Variants in CPQ observed in about 807,000 individuals in gnomAD.
CPQ encodes carboxypeptidase Q.
In CPQ, 37 loss-of-function variants were observed where a neutral mutation model predicts 45.7. That is an observed-to-expected ratio of 0.81 (90% CI 0.62 to 1.07). The LOEUF is 1.07. Ranked by LOEUF, CPQ falls within the 50% of genes least tolerant of loss-of-function variation. The pLI is 0.00. For synonymous variants in CPQ, 186 were observed against 205.8 expected (o/e 0.90, Z 0.82); for missense variants, 537 against 572.9 (o/e 0.94, Z 0.64).
chr8:97,044,103 T>G (rs577166686), intron 6 of CPQ, among the ~76,000 whole-genome samples: 3 of 151,398 alleles, frequency 2.0e-5, no homozygotes, highest in East Asian at 1.9e-4. Flanking sequence ...CCATTCTGCC[T>G]GTCACTTTCA....
intron 4 of CPQ, among the ~76,000 whole-genome samples, chr8:96,892,239 ATAAAC>A (rs1174533757): frequency 6.6e-6 from 1 of 152,242 alleles, no homozygotes; most frequent in Non-Finnish European, 1.5e-5. Flanking sequence ...TGTCAAAAGA[ATAAAC>A]CAAACCTGAT....
intron 4 of CPQ, among the ~76,000 whole-genome samples, chr8:96,910,460 A>G (rs1325618012): frequency 1.3e-5 from 2 of 152,214 alleles, no homozygotes; most frequent in Non-Finnish European, 2.9e-5. Flanking sequence ...TTTAAAATGT[A>G]TATTCCCATT....
At chr8:96,860,397 C>T (rs572330175) in intron 3 of CPQ, among the ~76,000 whole-genome samples, 16 of 152,204 alleles carry the variant, frequency 1.1e-4, no homozygotes, top group Middle Eastern at 6.8e-3. Flanking sequence ...GTGAGGTTCG[C>T]TTTTTATTTA....
chr8:96,934,405 G>T (rs10092470), intron 4 of CPQ, among the ~76,000 whole-genome samples: 5,446 of 152,188 alleles, frequency 0.036, 314 homozygotes, highest in African/African-American at 0.12. Context: ...CCAGGCAGGG[G>T]CATGATTGAG....
At chr8:97,045,412 A>G (rs1423791205) in intron 6 of CPQ, among the ~76,000 whole-genome samples, 1 of 152,174 alleles carries the variant, frequency 6.6e-6, no homozygotes, top group Non-Finnish European at 1.5e-5. Flanking sequence ...TGACTAGGAA[A>G]GGGAACTCCC....
At chr8:96,917,757 A>G (rs887661817) in intron 4 of CPQ, among the ~76,000 whole-genome samples, 1 of 152,160 alleles carries the variant, frequency 6.6e-6, no homozygotes, top group Non-Finnish European at 1.5e-5. Context: ...TAAGATAAAC[A>G]TGAACACATA....
intron 1 of CPQ, among the ~76,000 whole-genome samples, chr8:96,700,540 A>G (rs561385934): frequency 6.6e-6 from 1 of 152,178 alleles, no homozygotes; most frequent in South Asian, 2.1e-4. Context: ...TTGAAGCAGA[A>G]CATCTCTCCA....
intron 4 of CPQ, among the ~76,000 whole-genome samples, chr8:96,885,853 G>A (rs1812299388): frequency 6.6e-6 from 1 of 152,092 alleles, no homozygotes; most frequent in Non-Finnish European, 1.5e-5. Context: ...TTAGCCGGGT[G>A]TGGTGGCGGG....
At chr8:96,846,159 G>A (rs1166172171) in intron 3 of CPQ, among the ~76,000 whole-genome samples, 1 of 151,928 alleles carries the variant, frequency 6.6e-6, no homozygotes, top group Admixed American at 6.6e-5. Context: ...TTATATTTTC[G>A]GCAGTCATGT....
At chr8:96,882,994 A>G (rs933787589) in intron 4 of CPQ, among the ~76,000 whole-genome samples, 3 of 152,120 alleles carry the variant, frequency 2.0e-5, no homozygotes, top group African/African-American at 7.2e-5. Flanking sequence ...GTTGTTTTTT[A>G]AATTATTATT....
chr8:97,041,871 G>A (rs796869219), intron 6 of CPQ, among the ~76,000 whole-genome samples: 1 of 152,272 alleles, frequency 6.6e-6, no homozygotes, highest in African/African-American at 2.4e-5. Flanking sequence ...TTGATGTGCT[G>A]CTGGATTCAG....
intron 1 of CPQ, among the ~76,000 whole-genome samples, chr8:96,676,432 C>T: frequency 6.6e-6 from 1 of 152,002 alleles, no homozygotes. Context: ...TGACTTATTT[C>T]ACTTAACATA....
rs528792647 is a variant in CPQ, at chr8:97,119,912, A to C, written c.1256-23108A>C. ...AGCCATTTTAGTCCATGATCAAGAC[A>C]GAGGGGCCTTCTGGGCACATGAGGA... On this transcript the variant is annotated intron_variant, in intron 7 of 7. Transcript: ENST00000220763. Among the ~76,000 whole-genome samples the C allele has an allele frequency of 8.9e-4, 135 of 152,338 alleles. 1 individual carries two copies. Among genetic ancestry groups the C allele is most frequent in the African/African-American group, 3.1e-3 (130 of 41,592 alleles).
chr8:96,829,359 G>A (rs1420342017), intron 2 of CPQ, among the ~76,000 whole-genome samples: 1 of 152,106 alleles, frequency 6.6e-6, no homozygotes, highest in Non-Finnish European at 1.5e-5. Context: ...ACTTGGAGTT[G>A]CACTTTGCCC....
chr8:96,743,799 G>A (rs1309971646), intron 1 of CPQ, among the ~76,000 whole-genome samples: 1 of 152,232 alleles, frequency 6.6e-6, no homozygotes, highest in East Asian at 1.9e-4. Context: ...GGGGTCAGGG[G>A]TCAGGGACCC....
At chr8:97,061,662 C>T (rs1810554719) in intron 6 of CPQ, among the ~76,000 whole-genome samples, 2 of 152,142 alleles carry the variant, frequency 1.3e-5, no homozygotes, top group Non-Finnish European at 2.9e-5. Context: ...AGACGTTACA[C>T]ATAGTGTCTG....
At chr8:96,895,640 G>C (rs947864229) in intron 4 of CPQ, among the ~76,000 whole-genome samples, 1 of 152,116 alleles carries the variant, frequency 6.6e-6, no homozygotes, top group Non-Finnish European at 1.5e-5. Context: ...AGGAAGCTTA[G>C]GAAGAGGTTA....
At chr8:96,798,982 G>C (rs556723059) in intron 2 of CPQ, among the ~76,000 whole-genome samples, 4 of 152,212 alleles carry the variant, frequency 2.6e-5, no homozygotes, top group East Asian at 1.9e-4. Flanking sequence ...ATTGTGAAAG[G>C]TCACAAATTT....
chr8:96,869,329 G>A (rs963745789), intron 3 of CPQ, among the ~76,000 whole-genome samples: 5 of 151,986 alleles, frequency 3.3e-5, no homozygotes, highest in Non-Finnish European at 7.4e-5. Flanking sequence ...CAATTGCTGC[G>A]ATAACTGAGC....
Sources: allele counts gnomAD v4.1 joint callset (sites outside exome capture counted in the v4.1 genomes callset), GRCh38; gene constraint gnomAD v4.1.1; transcripts MANE v1.5; gene names NCBI Gene and HGNC (gene_info 2026-07-23, HGNC 2026-07-21).